Variants in CHKA observed in about 807,000 individuals in gnomAD.
CHKA encodes the protein choline kinase alpha.
CHKA carries 34 observed loss-of-function variants against 60.1 expected under a neutral mutation model. The observed-to-expected ratio is 0.57, with a 90% CI of 0.43 to 0.75. The LOEUF is 0.75. Among genes scored for constraint, CHKA ranks in the 30% least tolerant of loss-of-function variants. The pLI, the probability that CHKA is intolerant of heterozygous loss-of-function variation, is 0.00. For synonymous variants in CHKA, 217 were observed against 223.1 expected, an observed-to-expected ratio of 0.97 and a Z score of 0.24; for missense variants, 563 against 561.3, an observed-to-expected ratio of 1.00 and a Z score of -0.03.
chr11:68,097,025 C>G lies in CHKA; in HGVS notation c.456G>C (p.Leu152Phe), dbSNP rs199679026. The change falls in exon 2 of 12, where the codon TTG (leucine) becomes TTC (phenylalanine). Residue 152 changes from leucine (L) to phenylalanine (F), a missense_variant. Physicochemically the swap from Leu to Phe is conservative, Grantham distance 22 (BLOSUM62 0). Coordinates refer to ENST00000265689, the MANE Select transcript of CHKA (RefSeq NM_001277.3). ...AAGTAGCCTACCAACTCACCATCTGCAAAATCGCTCCATACAGCCGCAGGA... is the reference window on the plus strand; with the variant it reads ...AAGTAGCCTACCAACTCACCATCTGGAAAATCGCTCCATACAGCCGCAGGA... The part of the protein sequence containing the change: ...KVLLRLYGAI[L>F]QMRSCNKEGS... 6.2e-7 allele frequency: 1 copy of G among 1,610,576 alleles called. No individual in the cohort carries two copies. The highest frequency in any genetic ancestry group is 8.5e-7 in the Non-Finnish European group (1 of 1,178,220).
chr11:68,115,232 A>C (rs1438906069), intron 1 of CHKA, among the ~76,000 whole-genome samples: 2 of 152,202 alleles, frequency 1.3e-5, no homozygotes, highest in African/African-American at 2.4e-5. Flanking sequence ...CAATGTATTA[A>C]ATGCATTTCA....
chr11:68,082,995 TC>T (rs944454742), intron 2 of CHKA, among the ~76,000 whole-genome samples: 7 of 152,194 alleles, frequency 4.6e-5, no homozygotes, highest in African/African-American at 1.7e-4. Flanking sequence ...CTGGAAAGCT[TC>T]CCTTCACCCT....
At chr11:68,100,701 C>T (rs896942366) in intron 1 of CHKA, among the ~76,000 whole-genome samples, 2 of 151,432 alleles carry the variant, frequency 1.3e-5, no homozygotes, top group African/African-American at 2.4e-5. Flanking sequence ...CACACACACA[C>T]ACATATATAT....
chr11:68,100,937 CTTTTTTTTTTTTT>C lies in CHKA; in HGVS notation c.351-3820_351-3808del, dbSNP rs758101816. 9.0e-5 allele frequency among the ~76,000 whole-genome samples: 7 copies of C among 78,198 alleles called. No homozygotes were observed. The South Asian group carries it at 1.8e-3, about 20-fold the overall frequency. 51.3% of individuals were successfully genotyped at this position (78,198 alleles called of 152,430 possible). The stretch of plus-strand genomic sequence containing the variant: ...GAATAACAAGCAGTATAAAGAGGTT[CTTTTTTTTTTTTT>C]TTTTTTTTTTTTTTTGAGACGGAGT... On this transcript the variant is annotated intron_variant, in intron 1 of 11. Coordinates refer to ENST00000265689, the MANE Select transcript of CHKA (RefSeq NM_001277.3).
intron 1 of CHKA, among the ~76,000 whole-genome samples, chr11:68,113,463 G>A (rs1053482954): frequency 6.6e-6 from 1 of 152,068 alleles, no homozygotes; most frequent in Admixed American, 6.6e-5. Flanking sequence ...TTGGGAGGCC[G>A]AGGTGGGCAG....
At chr11:68,074,655 G>T in intron 4 of CHKA, 62 bp downstream of exon 4, 3 of 1,440,104 alleles carry the variant, frequency 2.1e-6, no homozygotes, top group South Asian at 2.3e-5. Flanking sequence ...GCAGCAATGA[G>T]ACAAAGAAGC....
At chr11:68,086,109 T>G (rs1211671895) in intron 2 of CHKA, among the ~76,000 whole-genome samples, 1 of 152,028 alleles carries the variant, frequency 6.6e-6, no homozygotes, top group African/African-American at 2.4e-5. Flanking sequence ...GGTCAAGAGA[T>G]CGACACCATC....
intron 10 of CHKA, 66 bp downstream of exon 10, chr11:68,064,459 C>A: frequency 1.4e-6 from 1 of 739,358 alleles, no homozygotes; most frequent in Non-Finnish European, 2.2e-6. Flanking sequence ...TGCAAGTCAG[C>A]ATCTCCCAAA....
chr11:68,104,912 C>T (rs748878721), intron 1 of CHKA, among the ~76,000 whole-genome samples: 4 of 150,792 alleles, frequency 2.7e-5, no homozygotes, highest in Non-Finnish European at 4.4e-5. Flanking sequence ...CAAGACCAGC[C>T]TGATCAACAT....
chr11:68,109,143 G>A (rs1224774029), intron 1 of CHKA, among the ~76,000 whole-genome samples: 3 of 143,668 alleles, frequency 2.1e-5, no homozygotes, highest in East Asian at 4.1e-4. Flanking sequence ...AGGCAGGAGT[G>A]CAGTGGCGCG....
At chr11:68,065,545 C>T (rs563321621) in intron 9 of CHKA, among the ~76,000 whole-genome samples, 3 of 151,936 alleles carry the variant, frequency 2.0e-5, no homozygotes, top group Non-Finnish European at 2.9e-5. Flanking sequence ...ACAAAAAATA[C>T]AAACAATTAG....
At chr11:68,098,486 T>C (rs1402511203) in intron 1 of CHKA, among the ~76,000 whole-genome samples, 1 of 151,962 alleles carries the variant, frequency 6.6e-6, no homozygotes, top group Non-Finnish European at 1.5e-5. Flanking sequence ...TTTTTAAAAA[T>C]AAGGGTAACT....
At position 68,121,205 on chromosome 11, in the gene CHKA, G is replaced by C; in HGVS notation, c.-28C>G. ...CCGACAGGCGGCCGAGGAGGCGCGG[G>C]CGGCCGCAGCGCGAGAGGACTAGGC... On this transcript the variant is annotated 5_prime_UTR_variant, in exon 1 of 12. Coordinates refer to ENST00000265689, the MANE Select transcript of CHKA (RefSeq NM_001277.3). 1 of 1,150,200 alleles carries C rather than the reference G, an allele frequency of 8.7e-7. No homozygotes were observed. Among genetic ancestry groups the C allele is most frequent in the South Asian group, 2.7e-5 (1 of 37,648 alleles). The allele number at this position is 1,150,200 out of a possible 1,614,324, so 71.2% of individuals were successfully genotyped here.
intron 4 of CHKA, among the ~76,000 whole-genome samples, chr11:68,073,123 A>C (rs978246504): frequency 6.6e-6 from 1 of 152,132 alleles, no homozygotes; most frequent in Non-Finnish European, 1.5e-5. Flanking sequence ...TCCCCAAGAT[A>C]TTTTTATTAT....
At chr11:68,116,671 C>G (rs118131364) in intron 1 of CHKA, among the ~76,000 whole-genome samples, 5,097 of 151,538 alleles carry the variant, frequency 0.034, 117 homozygotes, top group Non-Finnish European at 0.048. Context: ...GAGCCGAGAT[C>G]GCGCCATTGT....
At chr11:68,079,478 C>T (rs368277005) in intron 3 of CHKA, among the ~76,000 whole-genome samples, 21 of 152,064 alleles carry the variant, frequency 1.4e-4, no homozygotes, top group East Asian at 7.7e-4. Context: ...TACAGGCGCC[C>T]GCCACCACGC....
chr11:68,069,595 A>C (rs1044333588), intron 6 of CHKA, among the ~76,000 whole-genome samples: 3 of 152,006 alleles, frequency 2.0e-5, no homozygotes, highest in African/African-American at 4.8e-5. Context: ...GAGGCAGGAG[A>C]ATCACTTGAA....
intron 1 of CHKA, among the ~76,000 whole-genome samples, chr11:68,116,620 GGC>G (rs1858392292): frequency 1.3e-5 from 2 of 152,052 alleles, no homozygotes; most frequent in Non-Finnish European, 2.9e-5. Flanking sequence ...GGGAGGCCGA[GGC>G]AGGAGAATCG....
chr11:68,097,858 A>T (rs1857565246), intron 1 of CHKA, among the ~76,000 whole-genome samples: 2 of 152,198 alleles, frequency 1.3e-5, no homozygotes. Context: ...CACACCAAGT[A>T]AGTAGCTAAG....
Sources: gnomAD v4.1 joint callset for allele counts (sites outside exome capture counted in the v4.1 genomes callset) on GRCh38, gnomAD v4.1.1 for gene constraint, MANE v1.5 for transcripts, NCBI Gene and HGNC (gene_info 2026-07-23, HGNC 2026-07-21) for gene names.